The following CMC2 variants were observed in gnomAD, a reference collection of about 807,000 sequenced individuals.
CMC2 encodes COX assembly mitochondrial protein 2 homolog.
In CMC2, 5 loss-of-function variants were observed where a neutral mutation model predicts 7.5. The observed-to-expected ratio is 0.66, with a 90% CI of 0.35 to 1.40. CMC2 has a LOEUF of 1.40. Among genes scored for constraint, CMC2 ranks in the 40% most tolerant of loss-of-function variants. The probability of loss-of-function intolerance (pLI) is 0.04; values close to 1 mark genes in which losing one functional copy is unlikely to be tolerated. For missense variants in CMC2, 115 were observed against 92.3 expected (o/e 1.25, Z -1.01); for synonymous variants, 37 against 31.4 (o/e 1.18, Z -0.60).
chr16:80,991,003 A>C (rs1385126928), intron 2 of CMC2, among the ~76,000 whole-genome samples: 1 of 149,790 alleles, frequency 6.7e-6, no homozygotes, highest in Non-Finnish European at 1.5e-5. Context: ...CTGGGATTAC[A>C]GGACTGAGCC....
At chr16:80,990,101 CCT>C (rs1280826989) in intron 2 of CMC2, among the ~76,000 whole-genome samples, 1 of 83,106 alleles carries the variant, frequency 1.2e-5, no homozygotes, top group African/African-American at 3.0e-5. Context: ...TTTTTCATTC[CCT>C]CCCCTTTTTT....
At chr16:80,978,875 A>G (rs1567506004) in intron 3 of CMC2, among the ~76,000 whole-genome samples, 1 of 152,160 alleles carries the variant, frequency 6.6e-6, no homozygotes, top group East Asian at 1.9e-4. Flanking sequence ...AGCTCAGAAG[A>G]TCAAGACCAT....
At chr16:80,997,206 C>T (rs902267159) in intron 2 of CMC2, 108 bp downstream of exon 2, 4 of 732,034 alleles carry the variant, frequency 5.5e-6, no homozygotes, top group Non-Finnish European at 9.7e-6. Context: ...ACTCAGACTC[C>T]TTACTAAGAC....
rs992254450 is a variant in CMC2, at chr16:80,971,770, TTAGA to T, written c.*4319_*4322del. On this transcript the variant is annotated 3_prime_UTR_variant, in exon 4 of 4. Transcript: ENST00000219400. ...AACCTGTATTTTTTAAAAGTATGAC[TTAGA>T]TAGCAGCTATGTGAGTGTTCGTATT... 1.3e-5 allele frequency: 2 copies of T among 152,026 alleles called. No homozygotes were observed. Among genetic ancestry groups the T allele is most frequent in the African/African-American group, 2.4e-5 (1 of 41,326 alleles). The allele number at this position is 152,026 out of a possible 1,614,324, so 9.4% of individuals were successfully genotyped here.
rs1464053489 is a variant in CMC2 at position 80,968,872 on chromosome 16, C to G, written c.*7221G>C. ...CCAGGAAGTGAGGTTTTCATAAACA[C>G]AATGGAAAAAGATGGAAGATACTGA... On this transcript the variant is annotated 3_prime_UTR_variant, in exon 4 of 4. Transcript: ENST00000219400. The G allele has an allele frequency of 1.3e-5, 2 of 152,080 alleles. No individual in the cohort carries two copies. The highest frequency in any genetic ancestry group is 2.9e-5 in the Non-Finnish European group (2 of 68,022). The allele number at this position is 152,080 out of a possible 1,614,324, so 9.4% of individuals were successfully genotyped here. A position where few individuals can be genotyped will look rare whatever the true frequency, so the allele number is the denominator to read the frequency against.
In CMC2 at chr16:80,981,717, G is replaced by A. The variant is rs1198375589; in HGVS notation, c.153+89C>T. 5 of 793,594 alleles carry A rather than the reference G, an allele frequency of 6.3e-6. No individual in the cohort carries two copies. In the East Asian group the frequency reaches 1.1e-4, roughly 18 times the overall value. The allele number at this position is 793,594 out of a possible 1,614,324, so 49.2% of individuals were successfully genotyped here. A position where few individuals can be genotyped will look rare whatever the true frequency, so the allele number is the denominator to read the frequency against. ...AATTTTCTGTTACACTAAAATGTGG[G>A]AAAAATTCAATAATGGCAGTAATAC... On this transcript the variant is annotated intron_variant, in intron 3 of 3. Coordinates refer to ENST00000219400, the MANE Select transcript of CMC2 (RefSeq NM_020188.5).
rs1911697628 is a variant in CMC2 at position 80,968,374 on chromosome 16, A to G, written c.*7719T>C. Reference sequence around the variant, plus strand: ...GCGCAAGCCACCCCACACGGCTGAGATTCTGCGTTGCTAACAAACTTTCCC... The same window carrying G: ...GCGCAAGCCACCCCACACGGCTGAGGTTCTGCGTTGCTAACAAACTTTCCC... On this transcript the variant is annotated 3_prime_UTR_variant, in exon 4 of 4. Coordinates refer to ENST00000219400, the MANE Select transcript of CMC2 (RefSeq NM_020188.5). The G allele has an allele frequency of 6.6e-6, 1 of 152,198 alleles. No individual in the cohort carries two copies. Among genetic ancestry groups the G allele is most frequent in the Non-Finnish European group, 1.5e-5 (1 of 68,064 alleles). The allele number at this position is 152,198 out of a possible 1,614,324, so 9.4% of individuals were successfully genotyped here.
chr16:80,976,968 A>C (rs1486680392), intron 3 of CMC2, among the ~76,000 whole-genome samples: 3 of 152,178 alleles, frequency 2.0e-5, no homozygotes, highest in African/African-American at 4.8e-5. Flanking sequence ...AAAAAATCAC[A>C]ACCAAAATTG....
chr16:80,995,549 AG>A (rs1006106176), intron 2 of CMC2, among the ~76,000 whole-genome samples: 1 of 151,752 alleles, frequency 6.6e-6, no homozygotes, highest in Non-Finnish European at 1.5e-5. Flanking sequence ...CCCAGCTACT[AG>A]GCAAACTGAG....
intron 2 of CMC2, among the ~76,000 whole-genome samples, chr16:80,986,251 G>A (rs952476628): frequency 2.0e-4 from 31 of 152,158 alleles, no homozygotes; most frequent in Non-Finnish European, 4.1e-4. Context: ...TCGTGAGGCT[G>A]AGGCAGGAGA....
In CMC2 at chr16:80,975,939, A is replaced by G. The variant is rs1276837182; in HGVS notation, c.*154T>C. ...AACGCCCTGCCCAACAAATACTCAG[A>G]ATCCAGGGTTTTCATATTTCTCCAT... On this transcript the variant is annotated 3_prime_UTR_variant, in exon 4 of 4. Transcript: ENST00000219400. 1.3e-5 allele frequency: 8 copies of G among 608,666 alleles called. No homozygotes were observed. The Admixed American group carries it at 2.4e-4, about 18-fold the overall frequency. 37.7% of individuals were successfully genotyped at this position (608,666 alleles called of 1,614,324 possible). A position where few individuals can be genotyped will look rare whatever the true frequency, so the allele number is the denominator to read the frequency against.
intron 3 of CMC2, among the ~76,000 whole-genome samples, chr16:80,976,452 CTCAA>C (rs1912365665): frequency 6.6e-6 from 1 of 152,178 alleles, no homozygotes; most frequent in Non-Finnish European, 1.5e-5. Flanking sequence ...CAAATGTTTG[CTCAA>C]TCAATTTCCT....
At chr16:80,993,682 T>C (rs1597254773) in intron 2 of CMC2, among the ~76,000 whole-genome samples, 1 of 100,508 alleles carries the variant, frequency 9.9e-6, no homozygotes, top group African/African-American at 2.8e-5. Flanking sequence ...ATTTAGTAAT[T>C]GGGCTAAGCT....
chr16:81,006,209 G>A (rs539119413), intron 1 of CMC2, among the ~76,000 whole-genome samples: 49 of 137,834 alleles, frequency 3.6e-4, no homozygotes, highest in Middle Eastern at 7.1e-3. Flanking sequence ...AGCATTAAAG[G>A]AGAAAAAAGA....
chr16:80,990,027 G>C (rs946345409), intron 2 of CMC2, among the ~76,000 whole-genome samples: 1 of 152,078 alleles, frequency 6.6e-6, no homozygotes, highest in Admixed American at 6.5e-5. Context: ...CTCATTTCAA[G>C]TAAGTTTGTT....
rs896530450 is a variant in CMC2 at position 80,975,919 on chromosome 16, C to T, written c.*174G>A. Reference sequence around the variant, plus strand: ...GTAAAGGGGAGACAGTACTAAACGCCCTGCCCAACAAATACTCAGAATCCA... The same window carrying T: ...GTAAAGGGGAGACAGTACTAAACGCTCTGCCCAACAAATACTCAGAATCCA... On this transcript the variant is annotated 3_prime_UTR_variant, in exon 4 of 4. Transcript: ENST00000219400. The T allele has an allele frequency of 1.0e-5, 6 of 579,784 alleles. No individual in the cohort carries two copies. Among genetic ancestry groups the T allele is most frequent in the Non-Finnish European group, 1.5e-5 (5 of 329,078 alleles). 35.9% of individuals were successfully genotyped at this position (579,784 alleles called of 1,614,324 possible). A position where few individuals can be genotyped will look rare whatever the true frequency, so the allele number is the denominator to read the frequency against.
At chr16:80,996,860 C>G in intron 2 of CMC2, 1 of 241,790 alleles carries the variant, frequency 4.1e-6, no homozygotes, top group Non-Finnish European at 8.5e-6. Flanking sequence ...AACAACTAAA[C>G]ACATCAGATT....
chr16:80,997,315 T>C lies in CMC2; in HGVS notation c.80A>G (p.Asn27Ser). The C allele has an allele frequency of 1.1e-6, 1 of 936,744 alleles. No individual in the cohort carries two copies. Among genetic ancestry groups the C allele is most frequent in the South Asian group, 1.3e-5 (1 of 78,194 alleles). 58.0% of individuals were successfully genotyped at this position (936,744 alleles called of 1,614,324 possible). A position where few individuals can be genotyped will look rare whatever the true frequency, so the allele number is the denominator to read the frequency against. Reference protein sequence around the residue: ...LINLLKECHKNHNILKFFGYC... With the variant: ...LINLLKECHKSHNILKFFGYC... ...ACAGTCGTTTTTCTGAACTCTTACA[T>C]TTTTGTGACATTCCTTAAGCAAGTT... The change falls in exon 2 of 4, where the codon AAT becomes AGT. Residue 27 changes from asparagine to serine, a missense_variant and splice_region_variant. Coordinates refer to ENST00000219400, the MANE Select transcript of CMC2 (RefSeq NM_020188.5).
chr16:80,980,701 C>T, intron 3 of CMC2: 2 of 591,754 alleles, frequency 3.4e-6, no homozygotes, highest in Non-Finnish European at 3.0e-6. Flanking sequence ...ACCAGCCTGG[C>T]CAAAACAGTG....
Sources: gnomAD v4.1 joint callset for allele counts (sites outside exome capture counted in the v4.1 genomes callset) on GRCh38, gnomAD v4.1.1 for gene constraint, MANE v1.5 for transcripts, NCBI Gene and HGNC (gene_info 2026-07-23, HGNC 2026-07-21) for gene names.